RBFOX1: variants seen among roughly 807,000 people sequenced by gnomAD.
RBFOX1 encodes RNA binding protein fox-1 homolog 1.
RBFOX1 carries 8 observed loss-of-function variants against 57.7 expected under a neutral mutation model. The ratio of observed to expected loss-of-function variants is 0.14; its 90% CI spans 0.08 to 0.25. The LOEUF is 0.25. RBFOX1 is among the 10% of genes least tolerant of loss of function. The pLI is 1.00. For synonymous variants in RBFOX1, 326 were observed against 222.4 expected (o/e 1.47, Z -4.15); for missense variants, 611 against 548.5 (o/e 1.11, Z -1.14).
intron 1 of RBFOX1, among the ~76,000 whole-genome samples, chr16:6,163,129 A>C (rs533108539): frequency 1.3e-5 from 2 of 152,258 alleles, no homozygotes; most frequent in Non-Finnish European, 2.9e-5. Flanking sequence ...CACTGAAGGA[A>C]GGGTTGTGGT....
intron 3 of RBFOX1, among the ~76,000 whole-genome samples, chr16:5,623,021 T>G (rs1313006443): frequency 6.6e-6 from 1 of 152,192 alleles, no homozygotes; most frequent in Non-Finnish European, 1.5e-5. Context: ...TATGCCGCTT[T>G]GTATGAGACT....
intron 3 of RBFOX1, among the ~76,000 whole-genome samples, chr16:6,972,723 G>A (rs766538935): frequency 1.5e-4 from 23 of 152,260 alleles, no homozygotes; most frequent in African/African-American, 4.3e-4. Flanking sequence ...GGTCTCATGC[G>A]AAAGTATAAG....
chr16:6,366,093 G>A (rs1396848210), intron 2 of RBFOX1, among the ~76,000 whole-genome samples: 2 of 144,422 alleles, frequency 1.4e-5, no homozygotes, highest in Non-Finnish European at 3.0e-5. Flanking sequence ...CTATGTGTGT[G>A]TGTGTGTGTG....
intron 3 of RBFOX1, among the ~76,000 whole-genome samples, chr16:5,744,304 G>A (rs760074484): frequency 5.9e-5 from 9 of 152,116 alleles, no homozygotes; most frequent in Non-Finnish European, 7.3e-5. Context: ...CCTTGAACCC[G>A]TTTCCTTTGC....
At chr16:5,760,763 C>G (rs778771734) in intron 3 of RBFOX1, among the ~76,000 whole-genome samples, 2 of 151,960 alleles carry the variant, frequency 1.3e-5, no homozygotes, top group Non-Finnish European at 2.9e-5. Context: ...ACAAAAACCG[C>G]AGTTACTTTT....
At chr16:7,109,362 C>T (rs1263323007) in intron 4 of RBFOX1, among the ~76,000 whole-genome samples, 2 of 152,128 alleles carry the variant, frequency 1.3e-5, no homozygotes, top group Non-Finnish European at 2.9e-5. Flanking sequence ...AACCCTCTCA[C>T]CAGATTTGAC....
intron 2 of RBFOX1, among the ~76,000 whole-genome samples, chr16:6,350,114 A>G (rs570569594): frequency 6.6e-6 from 1 of 152,260 alleles, no homozygotes; most frequent in African/African-American, 2.4e-5. Context: ...GATTCAATTT[A>G]TTTGTGGCGT....
intron 4 of RBFOX1, among the ~76,000 whole-genome samples, chr16:5,928,863 C>T (rs913524842): frequency 6.6e-6 from 1 of 151,860 alleles, no homozygotes; most frequent in African/African-American, 2.4e-5. Flanking sequence ...ATTACAAAAG[C>T]CTGTTTGAAC....
In RBFOX1 at chr16:5,240,098, G is replaced by A. The variant is rs1364335628; in HGVS notation, c.212G>A (p.Gly71Asp). The A allele has an allele frequency of 3.3e-6, 5 of 1,526,194 alleles. No homozygotes were observed. In the Admixed American group the frequency reaches 9.8e-5, roughly 30 times the overall value. The allele number at this position is 1,526,194 out of a possible 1,614,324, so 94.5% of individuals were successfully genotyped here. The change falls in exon 1 of 3, where the codon GGC becomes GAC. Residue 71 changes from glycine to aspartate, a missense_variant. By Grantham distance (94) the Gly-to-Asp change is moderately conservative. Coordinates refer to the RBFOX1 transcript ENST00000585867. ...ACCGGCACCCAGACAGGTGGCGACG[G>A]CAGAGGAGTAAGTGACGCGGGCGCG...
At chr16:6,992,276 G>A (rs1442430244) in intron 3 of RBFOX1, among the ~76,000 whole-genome samples, 1 of 151,708 alleles carries the variant, frequency 6.6e-6, no homozygotes, top group East Asian at 1.9e-4. Flanking sequence ...GGATTTTCCT[G>A]GTGCAATCTC....
rs183368453 is a variant in RBFOX1, at chr16:7,653,372, C to G, written c.758-443C>G. Among the ~76,000 whole-genome samples the G allele has an allele frequency of 3.9e-5, 6 of 152,162 alleles. No individual in the cohort carries two copies. The East Asian group carries it at 1.2e-3, about 30-fold the overall frequency. ...AAAAAATTAGCCAGGTGTGGTAGCA[C>G]ACTTCTATCTATGGTCCCAGCTACT... On this transcript the variant is annotated intron_variant, in intron 11 of 15. Transcript: ENST00000550418.
At chr16:6,182,066 C>T (rs2097067585) in intron 1 of RBFOX1, among the ~76,000 whole-genome samples, 2 of 152,156 alleles carry the variant, frequency 1.3e-5, no homozygotes, top group South Asian at 4.1e-4. Context: ...ATGTAGTATT[C>T]CTGTGTGCCC....
intron 1 of RBFOX1, among the ~76,000 whole-genome samples, chr16:5,252,225 C>T (rs1362432712): frequency 2.6e-5 from 4 of 152,162 alleles, no homozygotes; most frequent in Non-Finnish European, 4.4e-5. Context: ...TGTGTGAGCA[C>T]GGCTGTGGTT....
At chr16:5,715,562 G>T (rs555202915) in intron 3 of RBFOX1, among the ~76,000 whole-genome samples, 1 of 152,346 alleles carries the variant, frequency 6.6e-6, no homozygotes, top group South Asian at 2.1e-4. Flanking sequence ...TGTCTTGCCA[G>T]TGCTCAGGTA....
chr16:6,945,033 T>G (rs544466987), intron 3 of RBFOX1, among the ~76,000 whole-genome samples: 21 of 152,194 alleles, frequency 1.4e-4, no homozygotes, highest in Admixed American at 1.0e-3. Context: ...ATCTTAACAT[T>G]CTGAATCCCG....
intron 2 of RBFOX1, among the ~76,000 whole-genome samples, chr16:6,565,474 G>A (rs1051272715): frequency 3.3e-5 from 5 of 151,282 alleles, no homozygotes; most frequent in African/African-American, 1.2e-4. Flanking sequence ...AGCCAGGATG[G>A]TCTCGATCTC....
At chr16:7,405,000 CT>C (rs2098313951) in intron 4 of RBFOX1, among the ~76,000 whole-genome samples, 1 of 152,142 alleles carries the variant, frequency 6.6e-6, no homozygotes, top group Non-Finnish European at 1.5e-5. Context: ...GGAAAGATGC[CT>C]GCTACACCAC....
intron 4 of RBFOX1, among the ~76,000 whole-genome samples, chr16:5,993,872 A>T (rs958428012): frequency 5.3e-5 from 8 of 152,212 alleles, no homozygotes; most frequent in African/African-American, 1.9e-4. Flanking sequence ...TGGGAAGATG[A>T]TGTATATTAA....
intron 2 of RBFOX1, among the ~76,000 whole-genome samples, chr16:5,584,979 A>AT (rs59082052): frequency 0.08 from 12,229 of 152,142 alleles, 992 homozygotes; most frequent in African/African-American, 0.21. Flanking sequence ...TCTGCTGGGA[A>AT]TTTTTTGGAA....
Sources: gnomAD v4.1 joint callset for allele counts (sites outside exome capture counted in the v4.1 genomes callset) on GRCh38, gnomAD v4.1.1 for gene constraint, MANE v1.5 for transcripts, NCBI Gene and HGNC (gene_info 2026-07-23, HGNC 2026-07-21) for gene names.